Variants in CEP152 observed in about 807,000 individuals in gnomAD.
The protein encoded by CEP152 is centrosomal protein 152, also known as centrosomal protein of 152 kDa.
CEP152 carries 132 observed loss-of-function variants against 188.9 expected under a neutral mutation model. That is an observed-to-expected ratio of 0.70 (90% CI 0.61 to 0.81). The LOEUF (loss-of-function observed/expected upper bound fraction) is 0.81. Among genes scored for constraint, CEP152 ranks in the 30% least tolerant of loss-of-function variants. The pLI is 0.00. For synonymous variants in CEP152, 649 were observed against 666.6 expected, an observed-to-expected ratio of 0.97 and a Z score of 0.41; for missense variants, 1,914 against 1,969.8, an observed-to-expected ratio of 0.97 and a Z score of 0.54.
chr15:48,744,205 C>G (rs749610416), intron 24 of CEP152, 35 bp downstream of exon 24: 2 of 1,610,480 alleles, frequency 1.2e-6, no homozygotes, highest in South Asian at 1.1e-5. Flanking sequence ...AAAAAAGGCC[C>G]AAGCCATCCT....
At chr15:48,787,172 T>TTTTTTTG (rs1896709439) in intron 9 of CEP152, among the ~76,000 whole-genome samples, 1 of 142,424 alleles carries the variant, frequency 7.0e-6, no homozygotes, top group Non-Finnish European at 1.5e-5. Flanking sequence ...CGTTTTTTTT[T>TTTTTTTG]TTTTTTTTTT....
rs376122963 is a variant in CEP152, at chr15:48,744,949, G to A, written c.3678C>T (p.Asn1226=). The change falls in exon 23 of 27, where the codon AAC becomes AAT. Residue 1226 remains asparagine (N), a synonymous_variant. Transcript: ENST00000380950. ...ATTCTTCCAATTTATTCTTCATGTC[G>A]TTGTTTTCTTCTATTAATTCTTCAA... is the stretch of plus-strand genomic sequence containing the variant. ...KVVEELIEEN[N]DMKNKLEELQ... The A allele has an allele frequency of 1.4e-5, 22 of 1,610,536 alleles. 1 individual carries two copies. The highest frequency in any genetic ancestry group is 3.3e-5 in the South Asian group (3 of 90,390).
rs1438769089 is a variant in CEP152, at chr15:48,781,306, T to C, written c.1467A>G (p.Lys489=). ...CTGAGTCACTTGGATGTATTCCTAG[T>C]TTTGCAGCAGATTCATAGAGAGAAA... The part of the protein sequence containing the change: ...DEISLYESAA[K]LGIHPSDSEG... The change falls in exon 12 of 27, where the codon AAA becomes AAG. Residue 489 remains lysine (K), a synonymous_variant. Transcript: ENST00000380950. 6.2e-7 allele frequency: 1 copy of C among 1,612,374 alleles called. No homozygotes were observed. Among genetic ancestry groups the C allele is most frequent in the Non-Finnish European group, 8.5e-7 (1 of 1,178,664 alleles).
intron 17 of CEP152, chr15:48,765,636 A>ATTTTTTTTTTTTTT (rs34837739): frequency 1.9e-4 from 36 of 189,472 alleles, no homozygotes; most frequent in East Asian, 4.3e-4. Context: ...GTTCTTGCCA[A>ATTTTTTTTTTTTTT]TTTTTTTTTT....
intron 22 of CEP152, among the ~76,000 whole-genome samples, chr15:48,747,044 CAAACCCCGTTA>C (rs917161769): frequency 1.1e-4 from 16 of 152,166 alleles, no homozygotes; most frequent in Non-Finnish European, 2.1e-4. Flanking sequence ...AAGAACTTTT[CAAACCCCGTTA>C]AACTAAGTGT....
chr15:48,795,867 A>T, intron 6 of CEP152, 143 bp downstream of exon 6: 1 of 739,776 alleles, frequency 1.4e-6, no homozygotes, highest in Non-Finnish European at 2.2e-6. Context: ...ATCTCTAAAA[A>T]TAAGGGCTCT....
At chr15:48,739,588 T>C (rs1396503341) in intron 26 of CEP152, among the ~76,000 whole-genome samples, 2 of 152,204 alleles carry the variant, frequency 1.3e-5, no homozygotes, top group East Asian at 1.9e-4. Flanking sequence ...ATAGATGTTA[T>C]AGCAATTTCA....
In CEP152 at chr15:48,767,332, C is replaced by T. The variant is rs1358269985; in HGVS notation, c.2147+3G>A. 3 of 1,614,194 alleles carry T rather than the reference C, an allele frequency of 1.9e-6. No individual in the cohort carries two copies. The highest frequency in any genetic ancestry group is 8.5e-7 in the Non-Finnish European group (1 of 1,180,028). On this transcript the variant is annotated splice_donor_region_variant and intron_variant, in intron 16 of 26. Transcript: ENST00000380950. ...AAAAGGCAGCTAAACTCTTTATTCT[C>T]ACCTCAGTTGCAAATGAGTTCTCTC... is the stretch of plus-strand genomic sequence containing the variant.
chr15:48,793,461 T>A lies in CEP152; in HGVS notation c.692A>T (p.Asn231Ile). The A allele has an allele frequency of 6.2e-7, 1 of 1,612,650 alleles. No homozygotes were observed. The highest frequency in any genetic ancestry group is 8.5e-7 in the Non-Finnish European group (1 of 1,179,178). ...AATAATCTGCATATTTTCTGCAGAG[T>A]CTGGGAATTAAAGACAATTTATTAG... Reference protein sequence around the residue: ...LQQQFLGANENSAENMQIIQL... With the variant: ...LQQQFLGANEISAENMQIIQL... The change falls in exon 7 of 27, where the codon AAC (asparagine) becomes ATC (isoleucine). Residue 231 changes from asparagine to isoleucine, a missense_variant and splice_region_variant. By Grantham distance (149) the Asn-to-Ile change is moderately radical. Coordinates refer to ENST00000380950, the MANE Select transcript of CEP152 (RefSeq NM_001194998.2).
At chr15:48,769,531 C>T (rs1895379573) in intron 13 of CEP152, among the ~76,000 whole-genome samples, 2 of 152,182 alleles carry the variant, frequency 1.3e-5, no homozygotes, top group South Asian at 4.1e-4. Context: ...ATGTCAAGAA[C>T]TGATATGTGC....
intron 2 of CEP152, among the ~76,000 whole-genome samples, chr15:48,800,979 T>C (rs1897632040): frequency 6.6e-6 from 1 of 152,226 alleles, no homozygotes; most frequent in South Asian, 2.1e-4. Flanking sequence ...TGTAAACCTT[T>C]TGTTAGGATT....
rs372613539 is a variant in CEP152 at position 48,729,689 on chromosome 15, T to C, written c.142+11942A>G. On this transcript the variant is annotated intron_variant and NMD_transcript_variant, in intron 2 of 3. Transcript: ENST00000561245. ...TATTTAGGAAGGAATACTCAGGGTGTCTGCAAATAATCTTCATGGTTAAGG... is the reference window on the plus strand; with the variant it reads ...TATTTAGGAAGGAATACTCAGGGTGCCTGCAAATAATCTTCATGGTTAAGG... 4.6e-5 allele frequency: 7 copies of C among 152,260 alleles called. No homozygotes were observed. The East Asian group carries it at 9.6e-4, about 21-fold the overall frequency. 9.4% of individuals were successfully genotyped at this position (152,260 alleles called of 1,614,324 possible).
chr15:48,760,390 T>G, intron 18 of CEP152, 124 bp from the exon 19 acceptor site: 2 of 1,137,432 alleles, frequency 1.8e-6, no homozygotes, highest in Non-Finnish European at 2.6e-6. Context: ...AAAGTCAAAC[T>G]GACTGCAAGT....
chr15:48,806,674 G>A (rs1898004689), intron 1 of CEP152, among the ~76,000 whole-genome samples: 1 of 152,188 alleles, frequency 6.6e-6, no homozygotes, highest in Non-Finnish European at 1.5e-5. Context: ...TTTTACCATA[G>A]AGAACTTAGC....
intron 11 of CEP152, among the ~76,000 whole-genome samples, chr15:48,781,809 G>A (rs976248722): frequency 6.6e-6 from 1 of 152,190 alleles, no homozygotes; most frequent in African/African-American, 2.4e-5. Context: ...TAGCACTGGA[G>A]GAGGATATGA....
chr15:48,750,872 C>T (rs1428347698), intron 21 of CEP152, among the ~76,000 whole-genome samples: 1 of 152,086 alleles, frequency 6.6e-6, no homozygotes, highest in Non-Finnish European at 1.5e-5. Flanking sequence ...TTTGTTAGCT[C>T]AGACTGGGGA....
At chr15:48,782,328 A>G (rs1479459115) in intron 10 of CEP152, 98 bp from the exon 11 acceptor site, 7 of 1,024,814 alleles carry the variant, frequency 6.8e-6, no homozygotes, top group Non-Finnish European at 7.5e-6. Flanking sequence ...TACAGAAAGT[A>G]AAGTTCTGCT....
Position 48,738,518 on chromosome 15 carries a change from C to T in CEP152, c.4864G>A (p.Glu1622Lys), listed in dbSNP as rs375753584. 6.2e-7 allele frequency: 1 copy of T among 1,614,054 alleles called. No homozygotes were observed. The highest frequency in any genetic ancestry group is 1.3e-5 in the African/African-American group (1 of 74,922). ...SPSGYLSDTE[E>K]SNMICQTMKC... ...ATTGTTTGACAAATCATATTACTTTCCTCTGTATCTGAAAGATAACCGGAT... is the reference window on the plus strand; with the variant it reads ...ATTGTTTGACAAATCATATTACTTTTCTCTGTATCTGAAAGATAACCGGAT... The change falls in exon 27 of 27, where the codon GAA becomes AAA. Residue 1622 changes from glutamate (E) to lysine (K), a missense_variant. Coordinates refer to ENST00000380950, the MANE Select transcript of CEP152 (RefSeq NM_001194998.2).
intron 11 of CEP152, 114 bp downstream of exon 11, chr15:48,782,025 T>C: frequency 1.1e-6 from 1 of 893,602 alleles, no homozygotes; most frequent in South Asian, 1.4e-5. Context: ...ATGGGCTGGT[T>C]TGAAGGTGGT....
Sources: allele counts gnomAD v4.1 joint callset (sites outside exome capture counted in the v4.1 genomes callset), GRCh38; gene constraint gnomAD v4.1.1; transcripts MANE v1.5; gene names NCBI Gene and HGNC (gene_info 2026-07-23, HGNC 2026-07-21).